The following SKA2 variants were observed in gnomAD, a reference collection of about 807,000 sequenced individuals.
SKA2 encodes spindle and kinetochore associated complex subunit 2.
In SKA2, 13 loss-of-function variants were observed where a neutral mutation model predicts 16.9. The ratio of observed to expected loss-of-function variants is 0.77; its 90% CI spans 0.50 to 1.22. SKA2 has a LOEUF of 1.22. Among genes scored for constraint, SKA2 ranks in the 50% most tolerant of loss-of-function variants. SKA2 has a pLI of 0.00. For missense variants in SKA2, 107 were observed against 139.7 expected, an observed-to-expected ratio of 0.77 and a Z score of 1.18; for synonymous variants, 47 against 48.5, an observed-to-expected ratio of 0.97 and a Z score of 0.13.
chr17:59,146,109 A>G (rs1333507256), intron 1 of SKA2, among the ~76,000 whole-genome samples: 1 of 152,234 alleles, frequency 6.6e-6, no homozygotes, highest in African/African-American at 2.4e-5. Context: ...ACATTTACTA[A>G]CAAAAATGTC....
intron 2 of SKA2, among the ~76,000 whole-genome samples, chr17:59,119,721 C>T (rs916029442): frequency 6.6e-6 from 1 of 151,928 alleles, no homozygotes; most frequent in African/African-American, 2.4e-5. Flanking sequence ...AGAAATAACC[C>T]ACCAAAAAAA....
rs2046255087 is a variant in SKA2, at chr17:59,110,291, T to C, written c.*1986A>G. The C allele has an allele frequency of 6.6e-6, 1 of 152,128 alleles. No individual in the cohort carries two copies. The highest frequency in any genetic ancestry group is 2.4e-5 in the African/African-American group (1 of 41,406). 9.4% of individuals were successfully genotyped at this position (152,128 alleles called of 1,614,324 possible). On this transcript the variant is annotated 3_prime_UTR_variant, in exon 4 of 4. Coordinates refer to ENST00000330137, the MANE Select transcript of SKA2 (RefSeq NM_182620.4). ...AAATCATAGAGGAAAAATAGTACAA[T>C]CTAATTTTTCTCCCTAACTGAAAGC... is the stretch of plus-strand genomic sequence containing the variant.
At chr17:59,118,832 A>C (rs2046313836) in intron 3 of SKA2, among the ~76,000 whole-genome samples, 1 of 152,116 alleles carries the variant, frequency 6.6e-6, no homozygotes, top group South Asian at 2.1e-4. Flanking sequence ...AACCTTTCTG[A>C]TTTACTCTAG....
At chr17:59,120,949 G>A (rs1355835455) in intron 2 of SKA2, among the ~76,000 whole-genome samples, 2 of 151,698 alleles carry the variant, frequency 1.3e-5, no homozygotes, top group Admixed American at 6.6e-5. Flanking sequence ...TCAGGAAATC[G>A]AGACCATCCT....
intron 1 of SKA2, among the ~76,000 whole-genome samples, chr17:59,145,882 C>T (rs975280209): frequency 6.6e-6 from 1 of 151,660 alleles, no homozygotes; most frequent in Non-Finnish European, 1.5e-5. Context: ...GTCAGCTACT[C>T]GTAAGGCTGA....
Position 59,139,570 on chromosome 17 carries a change from G to A in SKA2, c.34-8203C>T, listed in dbSNP as rs142984112. Among the ~76,000 whole-genome samples the A allele has an allele frequency of 9.5e-3, 1,445 of 151,720 alleles. 8 individuals are homozygous for A. Among genetic ancestry groups the A allele is most frequent in the Middle Eastern group, 0.017 (5 of 294 alleles). ...TCACTATGTTGCCCAGGCTAGTCTC[G>A]AAATCCTGAGCTCACGTAATCTGCC... On this transcript the variant is annotated intron_variant, in intron 1 of 3. Transcript: ENST00000330137.
intron 3 of SKA2, chr17:59,118,049 G>C (rs1415208385): frequency 6.6e-6 from 1 of 152,216 alleles, no homozygotes; most frequent in Non-Finnish European, 1.5e-5. Context: ...TTCATCATCT[G>C]AGGTCAGGAG....
intron 1 of SKA2, among the ~76,000 whole-genome samples, chr17:59,154,172 G>GA (rs111310705): frequency 0.39 from 44,417 of 114,474 alleles, 7,837 homozygotes; most frequent in African/African-American, 0.49. Context: ...CCCAACCTGG[G>GA]AAAAAAAAAA....
At chr17:59,125,132 C>T (rs976934724) in intron 2 of SKA2, among the ~76,000 whole-genome samples, 2 of 149,594 alleles carry the variant, frequency 1.3e-5, no homozygotes, top group Non-Finnish European at 3.0e-5. Flanking sequence ...CGCCACTACG[C>T]CTGGCTAATT....
intron 1 of SKA2, among the ~76,000 whole-genome samples, chr17:59,146,499 A>AAAAT (rs1279256295): frequency 3.3e-5 from 5 of 152,176 alleles, no homozygotes; most frequent in South Asian, 2.1e-4. Context: ...ACTCTGTCTC[A>AAAAT]AAATAAATAA....
chr17:59,135,802 T>A (rs1198388485), intron 1 of SKA2, among the ~76,000 whole-genome samples: 1 of 148,194 alleles, frequency 6.7e-6, no homozygotes, highest in Non-Finnish European at 1.5e-5. Flanking sequence ...TTTTAAAATT[T>A]TATATTGCAT....
chr17:59,134,679 G>A (rs2046432137), intron 1 of SKA2, among the ~76,000 whole-genome samples: 2 of 151,864 alleles, frequency 1.3e-5, no homozygotes, highest in Admixed American at 1.3e-4. Flanking sequence ...AGCCTCCTGA[G>A]AGCTGGGACT....
chr17:59,148,672 G>T (rs529837356), intron 1 of SKA2, among the ~76,000 whole-genome samples: 9 of 151,672 alleles, frequency 5.9e-5, no homozygotes, highest in Middle Eastern at 3.4e-3. Flanking sequence ...GCTAGGAGTG[G>T]TGGCACGTGC....
intron 1 of SKA2, among the ~76,000 whole-genome samples, chr17:59,146,718 G>A (rs777160645): frequency 3.3e-5 from 5 of 152,162 alleles, no homozygotes; most frequent in Non-Finnish European, 5.9e-5. Flanking sequence ...ATGGAGTGCA[G>A]TGGCAGCACA....
chr17:59,153,732 G>A lies in SKA2; in HGVS notation c.33+1399C>T, dbSNP rs115256899. 7.2e-3 allele frequency among the ~76,000 whole-genome samples: 1,090 copies of A among 152,124 alleles called. 14 individuals carry two copies. Among genetic ancestry groups the A allele is most frequent in the African/African-American group, 0.024 (1,008 of 41,486 alleles). On this transcript the variant is annotated intron_variant, in intron 1 of 3. Transcript: ENST00000330137. ...TGCCAGGGAATGGCGTGGGAAGGAGGGACGGATTACAAACGAAGAAAGAAG... is the reference window on the plus strand; with the variant it reads ...TGCCAGGGAATGGCGTGGGAAGGAGAGACGGATTACAAACGAAGAAAGAAG...
chr17:59,143,637 G>T (rs543506346), intron 1 of SKA2, among the ~76,000 whole-genome samples: 1 of 151,888 alleles, frequency 6.6e-6, no homozygotes, highest in African/African-American at 2.4e-5. Context: ...GCCTCCAAAA[G>T]TGCTGGGAAT....
At chr17:59,130,757 C>T (rs964501288) in intron 2 of SKA2, among the ~76,000 whole-genome samples, 3 of 152,038 alleles carry the variant, frequency 2.0e-5, no homozygotes, top group Non-Finnish European at 4.4e-5. Context: ...TTACTTTCAC[C>T]CCCATGAACA....
chr17:59,124,302 C>T (rs1011927906), intron 2 of SKA2: 2 of 151,958 alleles, frequency 1.3e-5, no homozygotes, highest in African/African-American at 4.8e-5. Context: ...TGTGGTGGCA[C>T]ACACCTGTAT....
At chr17:59,154,885 A>G in intron 1 of SKA2, 3 of 1,542,620 alleles carry the variant, frequency 1.9e-6, no homozygotes, top group East Asian at 4.5e-5. Flanking sequence ...GGAACAAGGA[A>G]TTCCAAAGGC....
Sources: gnomAD v4.1 joint callset for allele counts (sites outside exome capture counted in the v4.1 genomes callset) on GRCh38, gnomAD v4.1.1 for gene constraint, MANE v1.5 for transcripts, NCBI Gene and HGNC (gene_info 2026-07-23, HGNC 2026-07-21) for gene names.